TC2N: variants seen among roughly 807,000 people sequenced by gnomAD.
The protein encoded by TC2N is tandem C2 domains, nuclear.
A neutral mutation model predicts 61.9 loss-of-function variants in TC2N; 51 were observed. The ratio of observed to expected loss-of-function variants is 0.82; its 90% CI spans 0.66 to 1.04. TC2N has a LOEUF of 1.04. Among genes scored for constraint, TC2N ranks in the 50% least tolerant of loss-of-function variants. The probability of loss-of-function intolerance (pLI) is 0.00; values close to 1 mark genes in which losing one functional copy is unlikely to be tolerated. For missense variants in TC2N, 556 were observed against 566.7 expected (o/e 0.98, Z 0.19); for synonymous variants, 204 against 192.6 (o/e 1.06, Z -0.49).
Position 91,795,500 on chromosome 14 carries a change from C to T in TC2N, c.855+2285G>A, listed in dbSNP as rs1408205527. On this transcript the variant is annotated intron_variant, in intron 8 of 11. Transcript: ENST00000435962. The stretch of plus-strand genomic sequence containing the variant: ...ACCACCCTGATCATTCAGCAACCAT[C>T]AACATCAAGGCAAAACCTTCCAACA... Among the ~76,000 whole-genome samples, 10 of 152,256 alleles carry T rather than the reference C, an allele frequency of 6.6e-5. 1 individual carries two copies. The South Asian group carries it at 1.9e-3, about 28-fold the overall frequency.
At chr14:91,784,540 C>T (rs1306050074) in intron 11 of TC2N, among the ~76,000 whole-genome samples, 1 of 152,012 alleles carries the variant, frequency 6.6e-6, no homozygotes, top group Non-Finnish European at 1.5e-5. Context: ...GTGGTTCAAA[C>T]AATCGTAATT....
rs190715647 is a variant in TC2N, at chr14:91,818,306, C to T, written c.-56-4481G>A. Among the ~76,000 whole-genome samples the T allele has an allele frequency of 3.9e-4, 60 of 152,098 alleles. No homozygotes were observed. In the East Asian group the frequency reaches 5.2e-3, roughly 13 times the overall value. On this transcript the variant is annotated intron_variant, in intron 1 of 11. Transcript: ENST00000435962. ...AAAAAAAGGAAGCTACACAAGACTG[C>T]GGGAAAAAAACACCAGAAAAATTTA... is the stretch of plus-strand genomic sequence containing the variant.
At chr14:91,814,355 G>T (rs1263159603) in intron 1 of TC2N, among the ~76,000 whole-genome samples, 2 of 142,090 alleles carry the variant, frequency 1.4e-5, no homozygotes, top group African/African-American at 5.4e-5. Context: ...AAAGGGAAAG[G>T]TCAAAAAAAA....
In TC2N at chr14:91,787,544, G is replaced by A; in HGVS notation, c.1131C>T (p.Tyr377=). 1 of 1,612,372 alleles carries A rather than the reference G, an allele frequency of 6.2e-7. No individual in the cohort carries two copies. Among genetic ancestry groups the A allele is most frequent in the Non-Finnish European group, 8.5e-7 (1 of 1,179,188 alleles). The change falls in exon 10 of 12, where the codon TAC becomes TAT. Residue 377 remains tyrosine, a synonymous_variant. Coordinates refer to ENST00000435962, the MANE Select transcript of TC2N (RefSeq NM_001128596.3). The stretch of plus-strand genomic sequence containing the variant: ...TCAGAGGTGTTGATGAGCTTGGAAG[G>A]TACCGTGCCTCAAGAATTTGTAACT... ...RIQLQILEAR[Y]LPSSSTPLTL...
chr14:91,850,182 T>TA (rs34391681), intron 1 of TC2N, among the ~76,000 whole-genome samples: 126,395 of 147,450 alleles, frequency 0.86, 56,017 homozygotes, highest in Non-Finnish European at 0.97. Context: ...ATCTCTTTCC[T>TA]AAAAAAAAAA....
chr14:91,814,195 G>A (rs1335496084), intron 1 of TC2N, among the ~76,000 whole-genome samples: 3 of 150,410 alleles, frequency 2.0e-5, no homozygotes, highest in South Asian at 4.2e-4. Context: ...AAAAAGAAGA[G>A]CAACATGGAA....
At chr14:91,815,597 CAGG>C (rs1261284042) in intron 1 of TC2N, among the ~76,000 whole-genome samples, 3 of 151,610 alleles carry the variant, frequency 2.0e-5, no homozygotes, top group South Asian at 2.1e-4. Flanking sequence ...ACGTTTTTCA[CAGG>C]AGGTTTTAAA....
Position 91,841,962 on chromosome 14 carries a change from T to C in TC2N, c.-57+25300A>G, listed in dbSNP as rs1339019600. 3.5e-5 allele frequency among the ~76,000 whole-genome samples: 5 copies of C among 142,754 alleles called. No individual in the cohort carries two copies. In the Admixed American group the frequency reaches 3.8e-4, roughly 11 times the overall value. The allele number at this position is 142,754 out of a possible 152,430, so 93.7% of individuals were successfully genotyped here. On this transcript the variant is annotated intron_variant, in intron 1 of 11. Coordinates refer to ENST00000435962, the MANE Select transcript of TC2N (RefSeq NM_001128596.3). ...AAGATTATGCAGATTGTACCATCCA[T>C]CCTTCCCTTCCACCTTTTTTTTTTT...
At chr14:91,856,605 C>T (rs1888489245) in intron 1 of TC2N, among the ~76,000 whole-genome samples, 1 of 152,132 alleles carries the variant, frequency 6.6e-6, no homozygotes, top group African/African-American at 2.4e-5. Context: ...GTCCCCAGAG[C>T]TGTCTATACT....
chr14:91,785,397 T>C lies in TC2N; in HGVS notation c.1163-36A>G, dbSNP rs745991217. On this transcript the variant is annotated intron_variant, in intron 10 of 11. Coordinates refer to ENST00000435962, the MANE Select transcript of TC2N (RefSeq NM_001128596.3). ...AGAAATATTGGTTTATAAAATGTTA[T>C]TCAAAATACCATATAAAGATGTGTA... 2.8e-5 allele frequency: 43 copies of C among 1,521,724 alleles called. No homozygotes were observed. In the East Asian group the frequency reaches 9.5e-4, roughly 33 times the overall value. 94.3% of individuals were successfully genotyped at this position (1,521,724 alleles called of 1,614,324 possible). A position where few individuals can be genotyped will look rare whatever the true frequency, so the allele number is the denominator to read the frequency against.
intron 1 of TC2N, among the ~76,000 whole-genome samples, chr14:91,834,980 A>C (rs1386347388): frequency 6.6e-6 from 1 of 152,170 alleles, no homozygotes; most frequent in Non-Finnish European, 1.5e-5. Flanking sequence ...CCTGATACCA[A>C]TATATCTATT....
intron 1 of TC2N, among the ~76,000 whole-genome samples, chr14:91,840,072 T>C (rs1888136144): frequency 6.6e-6 from 1 of 152,218 alleles, no homozygotes; most frequent in African/African-American, 2.4e-5. Flanking sequence ...TTCCATTCCA[T>C]GACAACCTTG....
At chr14:91,853,629 ATTT>A (rs34565741) in intron 1 of TC2N, among the ~76,000 whole-genome samples, 66,501 of 141,662 alleles carry the variant, frequency 0.47, 15,097 homozygotes, top group South Asian at 0.49. Context: ...CTCTGCTTGG[ATTT>A]TTTTTTTTTT....
In TC2N at chr14:91,782,986, A is replaced by G; in HGVS notation, c.*114T>C. On this transcript the variant is annotated 3_prime_UTR_variant, in exon 12 of 12. Coordinates refer to ENST00000435962, the MANE Select transcript of TC2N (RefSeq NM_001128596.3). ...CAGATACATTATATACCATAATTAT[A>G]GCCCCCATAAATTGACAAATTTGTT... 1.5e-6 allele frequency: 1 copy of G among 660,966 alleles called. No individual in the cohort carries two copies. Among genetic ancestry groups the G allele is most frequent in the Middle Eastern group, 3.5e-4 (1 of 2,818 alleles). The allele number at this position is 660,966 out of a possible 1,614,324, so 40.9% of individuals were successfully genotyped here. A position where few individuals can be genotyped will look rare whatever the true frequency, so the allele number is the denominator to read the frequency against.
At position 91,802,520 on chromosome 14, in the gene TC2N, A is replaced by T. The variant is rs2139846622; in HGVS notation, c.302-99T>A. 3.0e-6 allele frequency: 3 copies of T among 1,016,742 alleles called. No individual in the cohort carries two copies. The East Asian group carries it at 7.8e-5, about 27-fold the overall frequency. The allele number at this position is 1,016,742 out of a possible 1,614,324, so 63.0% of individuals were successfully genotyped here. A position where few individuals can be genotyped will look rare whatever the true frequency, so the allele number is the denominator to read the frequency against. On this transcript the variant is annotated intron_variant, in intron 3 of 11. Transcript: ENST00000435962. ...GGTAAAAGAAAAAATATTTTGTCTC[A>T]AGTAATACTAAATCACATGTCTTTG...
At chr14:91,790,452 CA>C (rs1423587472) in intron 9 of TC2N, among the ~76,000 whole-genome samples, 1 of 152,118 alleles carries the variant, frequency 6.6e-6, no homozygotes, top group East Asian at 1.9e-4. Flanking sequence ...CACTTATTAA[CA>C]TAAACTCACT....
At chr14:91,853,649 TACAC>T (rs71123304) in intron 1 of TC2N, among the ~76,000 whole-genome samples, 3,483 of 102,742 alleles carry the variant, frequency 0.034, 82 homozygotes, top group South Asian at 0.09. Flanking sequence ...TTTTTTAAAG[TACAC>T]ACACACACAC....
At chr14:91,849,540 G>A (rs961018670) in intron 1 of TC2N, among the ~76,000 whole-genome samples, 26 of 152,206 alleles carry the variant, frequency 1.7e-4, no homozygotes, top group African/African-American at 6.3e-4. Context: ...AATCACACCA[G>A]GTATAAGCCC....
chr14:91,808,155 G>A (rs745421486), intron 3 of TC2N, among the ~76,000 whole-genome samples: 5 of 152,136 alleles, frequency 3.3e-5, no homozygotes, highest in Admixed American at 6.5e-5. Flanking sequence ...TCTCAGGTAT[G>A]TATTCATCAG....
Sources: gnomAD v4.1 joint callset for allele counts (sites outside exome capture counted in the v4.1 genomes callset) on GRCh38, gnomAD v4.1.1 for gene constraint, MANE v1.5 for transcripts, NCBI Gene and HGNC (gene_info 2026-07-23, HGNC 2026-07-21) for gene names.